The following PARP8 variants were observed in gnomAD, a reference collection of about 807,000 sequenced individuals.
The protein encoded by PARP8 is protein mono-ADP-ribosyltransferase PARP8.
PARP8 carries 51 observed loss-of-function variants against 124.1 expected under a neutral mutation model. The observed-to-expected ratio is 0.41, with a 90% CI of 0.33 to 0.52. PARP8 has a LOEUF of 0.52. PARP8 is among the 20% of genes least tolerant of loss of function. The probability of loss-of-function intolerance (pLI) is 0.21; values close to 1 mark genes in which losing one functional copy is unlikely to be tolerated. For missense variants in PARP8, 860 were observed against 1,018.9 expected (o/e 0.84, Z 2.12); for synonymous variants, 391 against 361.5 (o/e 1.08, Z -0.93).
chr5:50,678,807 C>T lies in PARP8; in HGVS notation c.146+10682C>T, dbSNP rs1278430280. 5.3e-5 allele frequency among the ~76,000 whole-genome samples: 8 copies of T among 152,218 alleles called. No individual in the cohort carries two copies. In the East Asian group the frequency reaches 1.2e-3, roughly 22 times the overall value. On this transcript the variant is annotated intron_variant, in intron 2 of 25. Transcript: ENST00000281631. ...GAGCAAACAAGGCCTGCTGAGTTAA[C>T]CCTTTCCTATACATATGCAGACAGT...
At chr5:50,739,129 C>T (rs1361486899) in intron 2 of PARP8, 1 of 698,714 alleles carries the variant, frequency 1.4e-6, no homozygotes, top group Non-Finnish European at 2.6e-6. Flanking sequence ...ATGGAGCACC[C>T]TGAACCAACA....
At chr5:50,697,361 A>G (rs1020157815) in intron 2 of PARP8, among the ~76,000 whole-genome samples, 1 of 152,252 alleles carries the variant, frequency 6.6e-6, no homozygotes, top group African/African-American at 2.4e-5. Flanking sequence ...AGAATCCCAG[A>G]ATCTTATCTG....
chr5:50,789,786 A>G (rs1741740200), intron 10 of PARP8, among the ~76,000 whole-genome samples: 2 of 152,186 alleles, frequency 1.3e-5, no homozygotes, highest in Non-Finnish European at 2.9e-5. Context: ...CCATTAGATA[A>G]TTGTATGCTT....
chr5:50,839,012 G>T (rs1580523416), intron 25 of PARP8, among the ~76,000 whole-genome samples: 3 of 151,860 alleles, frequency 2.0e-5, no homozygotes, highest in African/African-American at 7.3e-5. Flanking sequence ...AATTTGTAGA[G>T]ATGAGGTCTT....
intron 2 of PARP8, among the ~76,000 whole-genome samples, chr5:50,698,524 C>T (rs1208370789): frequency 1.3e-5 from 2 of 152,132 alleles, no homozygotes; most frequent in Non-Finnish European, 2.9e-5. Flanking sequence ...AAAGCCATAA[C>T]TTATACCGAG....
chr5:50,714,393 C>T (rs996256126), intron 2 of PARP8, among the ~76,000 whole-genome samples: 2 of 151,872 alleles, frequency 1.3e-5, no homozygotes, highest in Non-Finnish European at 2.9e-5. Flanking sequence ...TTTTTTAAAC[C>T]ATTTATTTAT....
intron 2 of PARP8, among the ~76,000 whole-genome samples, chr5:50,718,514 A>G (rs753558433): frequency 6.6e-6 from 1 of 151,904 alleles, no homozygotes; most frequent in Non-Finnish European, 1.5e-5. Context: ...AGATGTGCCA[A>G]CAGTAATTTG....
intron 2 of PARP8, among the ~76,000 whole-genome samples, chr5:50,711,535 G>T (rs533168617): frequency 1.3e-5 from 2 of 152,186 alleles, no homozygotes; most frequent in East Asian, 3.9e-4. Flanking sequence ...CACCTGTCAT[G>T]TGGGCCACAC....
At chr5:50,769,308 C>T (rs1009059229) in intron 7 of PARP8, among the ~76,000 whole-genome samples, 7 of 149,246 alleles carry the variant, frequency 4.7e-5, no homozygotes, top group Admixed American at 3.3e-4. Context: ...TGCCTGTAAA[C>T]GTACCAGCGT....
intron 2 of PARP8, among the ~76,000 whole-genome samples, chr5:50,695,752 A>G (rs1277540445): frequency 6.6e-6 from 1 of 152,208 alleles, no homozygotes; most frequent in Non-Finnish European, 1.5e-5. Context: ...TCCTTGAAGC[A>G]CTGCAATTTG....
At chr5:50,783,850 AC>A (rs1474042294) in intron 9 of PARP8, among the ~76,000 whole-genome samples, 2 of 152,102 alleles carry the variant, frequency 1.3e-5, no homozygotes, top group South Asian at 4.1e-4. Context: ...GCTTTGTCAA[AC>A]CTTTATTTTT....
At chr5:50,707,583 T>C (rs1754277551) in intron 2 of PARP8, among the ~76,000 whole-genome samples, 2 of 149,046 alleles carry the variant, frequency 1.3e-5, no homozygotes, top group African/African-American at 5.0e-5. Context: ...TGGAAGATAT[T>C]CCAAGGAGAT....
At chr5:50,797,364 T>C (rs927704904) in intron 14 of PARP8, 131 bp downstream of exon 14, 12 of 629,962 alleles carry the variant, frequency 1.9e-5, no homozygotes, top group African/African-American at 1.1e-4. Flanking sequence ...TATTTACATA[T>C]AATTTTGACA....
At position 50,844,791 on chromosome 5, in the gene PARP8, A is replaced by T. The variant is rs2031114950; in HGVS notation, c.*2723A>T. 1 of 151,664 alleles carries T rather than the reference A, an allele frequency of 6.6e-6. No individual in the cohort carries two copies. Among genetic ancestry groups the T allele is most frequent in the African/African-American group, 2.4e-5 (1 of 41,368 alleles). 9.4% of individuals were successfully genotyped at this position (151,664 alleles called of 1,614,324 possible). ...TTTTGTAAACATTTTACTATGAATA[A>T]TCTGTTCTCTTTCACTGTATTAAAA... is the stretch of plus-strand genomic sequence containing the variant. On this transcript the variant is annotated 3_prime_UTR_variant, in exon 26 of 26. Coordinates refer to ENST00000281631, the MANE Select transcript of PARP8 (RefSeq NM_024615.4).
chr5:50,790,919 T>G (rs1741882598), intron 10 of PARP8, among the ~76,000 whole-genome samples: 1 of 152,196 alleles, frequency 6.6e-6, no homozygotes, highest in South Asian at 2.1e-4. Context: ...TTTGTTTCCC[T>G]AATTATAAAT....
chr5:50,717,664 T>C (rs1399259031), intron 2 of PARP8, among the ~76,000 whole-genome samples: 1 of 151,964 alleles, frequency 6.6e-6, no homozygotes, highest in East Asian at 1.9e-4. Flanking sequence ...AGATGGGTTC[T>C]GCAGTTGAAA....
intron 2 of PARP8, among the ~76,000 whole-genome samples, chr5:50,721,215 T>C (rs1037770724): frequency 6.6e-6 from 1 of 152,084 alleles, no homozygotes; most frequent in Non-Finnish European, 1.5e-5. Flanking sequence ...AAGAAAAGTC[T>C]GTCTCACCTG....
At chr5:50,814,019 T>C (rs1744799901) in intron 14 of PARP8, among the ~76,000 whole-genome samples, 1 of 152,166 alleles carries the variant, frequency 6.6e-6, no homozygotes, top group African/African-American at 2.4e-5. Context: ...GCCCTTTGTG[T>C]CACTGTTTAC....
intron 21 of PARP8, among the ~76,000 whole-genome samples, 166 bp from the exon 22 acceptor site, chr5:50,829,726 C>G (rs1032022749): frequency 6.6e-6 from 1 of 152,158 alleles, no homozygotes; most frequent in African/African-American, 2.4e-5. Context: ...TACCATTTTT[C>G]TAAGCACAAG....
Sources: allele counts gnomAD v4.1 joint callset (sites outside exome capture counted in the v4.1 genomes callset), GRCh38; gene constraint gnomAD v4.1.1; transcripts MANE v1.5; gene names NCBI Gene and HGNC (gene_info 2026-07-23, HGNC 2026-07-21).